Variants in ZNF282 observed in about 807,000 individuals in gnomAD.
ZNF282 encodes the protein zinc finger protein 282.
ZNF282 carries 30 observed loss-of-function variants against 61.9 expected under a neutral mutation model. The observed-to-expected ratio is 0.48, with a 90% CI of 0.36 to 0.66. The LOEUF (loss-of-function observed/expected upper bound fraction) is 0.66, where lower values mean the gene tolerates loss of function less well. Among genes scored for constraint, ZNF282 ranks in the 30% least tolerant of loss-of-function variants. ZNF282 has a pLI of 0.00. For missense variants in ZNF282, 788 were observed against 941.4 expected, an observed-to-expected ratio of 0.84 and a Z score of 2.13; for synonymous variants, 396 against 405.0, an observed-to-expected ratio of 0.98 and a Z score of 0.27.
chr7:149,224,290 G>C lies in ZNF282; in HGVS notation c.1659G>C (p.Lys553Asn). 1 of 1,613,360 alleles carries C rather than the reference G, an allele frequency of 6.2e-7. No homozygotes were observed. Among genetic ancestry groups the C allele is most frequent in the Non-Finnish European group, 8.5e-7 (1 of 1,179,926 alleles). The change falls in exon 8 of 8, where the codon AAG becomes AAC. Residue 553 changes from lysine to asparagine, a missense_variant. By Grantham distance (94) the Lys-to-Asn change is moderately conservative. Coordinates refer to ENST00000610704, the MANE Select transcript of ZNF282 (RefSeq NM_003575.4). The stretch of plus-strand genomic sequence containing the variant: ...CCTACGAGTGCGCTGAGTGCGAGAA[G>C]AGCTTCAACTGCCACTCGGGCCTCA... ...ERPYECAECEKSFNCHSGLIR... is the reference protein window; with the variant it reads ...ERPYECAECENSFNCHSGLIR...
chr7:149,224,170 C>G lies in ZNF282; in HGVS notation c.1539C>G (p.Ala513=). Residue 513 remains alanine (A), a synonymous_variant, in exon 8 of 8, where the codon GCC becomes GCG. Transcript: ENST00000610704. The stretch of plus-strand genomic sequence containing the variant: ...GGCGGAGCCTCCTCCTGCACGGCGC[C>G]CGCAGCAAGCCCTACTCGTGCCCCG... ...GLRRSLLLHG[A]RSKPYSCPEC... 6.3e-7 allele frequency: 1 copy of G among 1,591,668 alleles called. No homozygotes were observed. The highest frequency in any genetic ancestry group is 8.5e-7 in the Non-Finnish European group (1 of 1,174,068).
chr7:149,220,827 GGAA>G (rs943508170), intron 7 of ZNF282, among the ~76,000 whole-genome samples: 3 of 152,098 alleles, frequency 2.0e-5, no homozygotes, highest in Admixed American at 2.0e-4. Context: ...GGATAGAGGA[GGAA>G]GGATGACGTA....
intron 1 of ZNF282, among the ~76,000 whole-genome samples, chr7:149,197,917 G>T (rs1795844066): frequency 6.6e-6 from 1 of 152,264 alleles, no homozygotes; most frequent in African/African-American, 2.4e-5. Flanking sequence ...CCTGCTGAGA[G>T]ATTGCTGGGA....
chr7:149,204,580 C>A (rs77552343), intron 2 of ZNF282, among the ~76,000 whole-genome samples: 1 of 152,118 alleles, frequency 6.6e-6, no homozygotes. Context: ...CACATACCGT[C>A]GGCCTTGGAT....
chr7:149,206,143 C>T (rs1795988093), intron 2 of ZNF282, among the ~76,000 whole-genome samples: 1 of 152,180 alleles, frequency 6.6e-6, no homozygotes, highest in African/African-American at 2.4e-5. Context: ...ACTCGCTGCG[C>T]AGCACACTCA....
rs1161849048 is a variant in ZNF282, at chr7:149,198,247, T to C, written c.166-86T>C. The C allele has an allele frequency of 1.4e-6, 2 of 1,456,768 alleles. No homozygotes were observed. The highest frequency in any genetic ancestry group is 1.9e-6 in the Non-Finnish European group (2 of 1,078,748). 90.2% of individuals were successfully genotyped at this position (1,456,768 alleles called of 1,614,324 possible). A position where few individuals can be genotyped will look rare whatever the true frequency, so the allele number is the denominator to read the frequency against. ...CAGAAGAAAGACGACATGTAGCATC[T>C]GATTAGTTGACCCCTGTTCCCAGCT... On this transcript the variant is annotated intron_variant, in intron 1 of 7. Transcript: ENST00000610704. This position sits in a 1 kb window ranked among gnomAD's most constrained non-coding sequence, Gnocchi z 4.3.
In ZNF282 at chr7:149,198,956, C is replaced by T. The variant is rs1477184660; in HGVS notation, c.585+204C>T. Among the ~76,000 whole-genome samples, 1 of 152,236 alleles carries T rather than the reference C, an allele frequency of 6.6e-6. No individual in the cohort carries two copies. Among genetic ancestry groups the T allele is most frequent in the Non-Finnish European group, 1.5e-5 (1 of 68,044 alleles). On this transcript the variant is annotated intron_variant, in intron 2 of 7. Coordinates refer to ENST00000610704, the MANE Select transcript of ZNF282 (RefSeq NM_003575.4). The surrounding 1 kb of genome is among the most constrained non-coding windows in gnomAD (Gnocchi z 4.3). ...CAAGGCTCACTCCATTCATTCCCCA[C>T]AGTCTGCATTTCTGTCTGGGAGCCT...
rs1227748806 is a variant in ZNF282, at chr7:149,224,151, GCCT to G, written c.1527_1529del (p.Leu510del). On this transcript the variant is annotated inframe_deletion, in exon 8 of 8. Transcript: ENST00000610704. ...TGCTGCCCTGGCGGGCTGCGGCGGAGCCTCCTCCTGCACGGCGCCCGCAGCAAG... is the reference window on the plus strand; with the variant it reads ...TGCTGCCCTGGCGGGCTGCGGCGGAGCCTCCTGCACGGCGCCCGCAGCAAG... 4.6e-6 allele frequency: 7 copies of G among 1,536,872 alleles called. No homozygotes were observed. Among genetic ancestry groups the G allele is most frequent in the East Asian group, 2.3e-5 (1 of 42,830 alleles).
At chr7:149,218,104 G>GAAAAAA (rs553203834) in intron 7 of ZNF282, among the ~76,000 whole-genome samples, 1 of 96,554 alleles carries the variant, frequency 1.0e-5, no homozygotes, top group Non-Finnish European at 2.2e-5. Flanking sequence ...CCCTGTCTCA[G>GAAAAAA]AAAAAAAAAA....
intron 1 of ZNF282, among the ~76,000 whole-genome samples, chr7:149,196,086 G>GGGCT (rs1420149767): frequency 6.6e-6 from 1 of 152,096 alleles, no homozygotes; most frequent in African/African-American, 2.4e-5. Flanking sequence ...CCCCGGCTTG[G>GGGCT]GGCTCCCTTT....
intron 1 of ZNF282, among the ~76,000 whole-genome samples, chr7:149,196,498 G>A (rs1031851278): frequency 6.6e-5 from 10 of 152,164 alleles, no homozygotes; most frequent in African/African-American, 2.4e-4. Context: ...ACCAGGGGAG[G>A]TGGATCCTCA....
chr7:149,197,814 TG>T (rs1323892436), intron 1 of ZNF282, among the ~76,000 whole-genome samples: 1 of 152,246 alleles, frequency 6.6e-6, no homozygotes, highest in Non-Finnish European at 1.5e-5. Context: ...CTGCCCCAGC[TG>T]GCAGTGCAGG....
chr7:149,199,067 A>C (rs1020742764), intron 2 of ZNF282, among the ~76,000 whole-genome samples: 1 of 151,974 alleles, frequency 6.6e-6, no homozygotes, highest in African/African-American at 2.4e-5. Context: ...TTCCCACTTG[A>C]CACCTACCAG....
chr7:149,201,838 C>G (rs765603388), intron 2 of ZNF282, among the ~76,000 whole-genome samples: 4 of 152,184 alleles, frequency 2.6e-5, no homozygotes, highest in Non-Finnish European at 4.4e-5. Context: ...CGCTCTCTTC[C>G]CCTGCCTCTC....
chr7:149,198,445 C>T lies in ZNF282; in HGVS notation c.278C>T (p.Thr93Ile), dbSNP rs1378505928. 1.2e-6 allele frequency: 2 copies of T among 1,614,206 alleles called. No individual in the cohort carries two copies. The highest frequency in any genetic ancestry group is 1.7e-6 in the Non-Finnish European group (2 of 1,180,042). Reference sequence around the variant, plus strand: ...ATGATGCGAGAGCCCCAGTTGCCCACAGCAGAGATCTCACTCTGGACTGTG... The same window carrying T: ...ATGATGCGAGAGCCCCAGTTGCCCATAGCAGAGATCTCACTCTGGACTGTG... ...DRMMREPQLP[T>I]AEISLWTVVA... Residue 93 changes from threonine to isoleucine, a missense_variant, in exon 2 of 8, where the codon ACA becomes ATA. By Grantham distance (89) the Thr-to-Ile change is moderately conservative (BLOSUM62 -1). Transcript: ENST00000610704. This position sits in a 1 kb window ranked among gnomAD's most constrained non-coding sequence, Gnocchi z 4.3.
chr7:149,217,759 G>A (rs1241343824), intron 7 of ZNF282, among the ~76,000 whole-genome samples: 2 of 152,114 alleles, frequency 1.3e-5, no homozygotes, highest in Admixed American at 1.3e-4. Context: ...GGGAAGCGGT[G>A]CCTGACTGAG....
Position 149,195,749 on chromosome 7 carries a change from A to T in ZNF282, c.160A>T (p.Met54Leu). ...GGAAATGGCCGAGGGAATGCCGCCC[A>T]TGCAGGTGGGAGAACCCCGCCGGCG... is the stretch of plus-strand genomic sequence containing the variant. ...RGEMAEGMPP[M>L]QAQEWDMDAR... The change falls in exon 1 of 8, where the codon ATG becomes TTG. Residue 54 changes from methionine (M) to leucine (L), a missense_variant. Physicochemically the swap from Met to Leu is conservative, Grantham distance 15. Around this residue, in one of 3 missense-constraint regions of ZNF282, gnomAD observed 137 missense variants for 135.4 expected, o/e 1.01. Coordinates refer to ENST00000610704, the MANE Select transcript of ZNF282 (RefSeq NM_003575.4). 2 of 1,518,214 alleles carry T rather than the reference A, an allele frequency of 1.3e-6. No homozygotes were observed. Among genetic ancestry groups the T allele is most frequent in the Non-Finnish European group, 1.8e-6 (2 of 1,134,150 alleles). 94.0% of individuals were successfully genotyped at this position (1,518,214 alleles called of 1,614,324 possible).
At chr7:149,214,431 A>G (rs1246492845) in intron 7 of ZNF282, among the ~76,000 whole-genome samples, 1 of 152,016 alleles carries the variant, frequency 6.6e-6, no homozygotes, top group Non-Finnish European at 1.5e-5. Context: ...GGAAGGCACA[A>G]TTTAACCCTT....
intron 1 of ZNF282, among the ~76,000 whole-genome samples, chr7:149,196,143 G>T (rs1343377602): frequency 6.6e-6 from 1 of 152,168 alleles, no homozygotes; most frequent in African/African-American, 2.4e-5. Context: ...CCGCCCGGCC[G>T]CAGAAGTGAA....
Sources: gnomAD v4.1 joint callset for allele counts (sites outside exome capture counted in the v4.1 genomes callset) on GRCh38, gnomAD v4.1.1 for gene constraint, gnomAD v4.1.1 regional missense constraint, Gnocchi (gnomAD v3.1) non-coding constraint, MANE v1.5 for transcripts, NCBI Gene and HGNC (gene_info 2026-07-23, HGNC 2026-07-21) for gene names.